The following WDR3 variants were observed in gnomAD, a reference collection of about 807,000 sequenced individuals.
WDR3 encodes the protein WD repeat-containing protein 3.
WDR3 carries 81 observed loss-of-function variants against 123.7 expected under a neutral mutation model. The observed-to-expected ratio is 0.65, with a 90% CI of 0.55 to 0.79. The LOEUF is 0.79. WDR3 is among the 30% of genes least tolerant of loss of function. The probability of loss-of-function intolerance (pLI) is 0.00; values close to 1 mark genes in which losing one functional copy is unlikely to be tolerated. For missense variants in WDR3, 1,027 were observed against 1,123.2 expected, an observed-to-expected ratio of 0.91 and a Z score of 1.22; for synonymous variants, 390 against 388.8, an observed-to-expected ratio of 1.00 and a Z score of -0.04.
At chr1:117,953,914 A>C in intron 21 of WDR3, 93 bp from the exon 22 acceptor site, 2 of 1,040,940 alleles carry the variant, frequency 1.9e-6, no homozygotes, top group South Asian at 3.1e-5. Context: ...AAGCTATTTC[A>C]TTTGGCAAAT....
intron 11 of WDR3, among the ~76,000 whole-genome samples, chr1:117,944,070 C>T (rs112591616): frequency 8.5e-5 from 13 of 152,272 alleles, no homozygotes; most frequent in African/African-American, 3.1e-4. Flanking sequence ...TAATAACCCT[C>T]TCTCACCCCT....
chr1:117,933,874 A>T (rs1041856467), intron 2 of WDR3: 2 of 260,338 alleles, frequency 7.7e-6, no homozygotes, highest in African/African-American at 2.3e-5. Flanking sequence ...ATTTTGGCAG[A>T]ATCTTTTTCT....
intron 25 of WDR3, among the ~76,000 whole-genome samples, chr1:117,958,125 A>G (rs546470224): frequency 3.3e-4 from 50 of 152,184 alleles, no homozygotes; most frequent in Non-Finnish European, 6.2e-4. Context: ...TGAAGACAAA[A>G]ACTGGTCAGC....
chr1:117,955,060 G>C (rs1651966449), intron 23 of WDR3: 3 of 421,282 alleles, frequency 7.1e-6, no homozygotes, highest in Non-Finnish European at 1.3e-5. Flanking sequence ...TCTCATCACA[G>C]TAATTTTGTG....
chr1:117,959,514 AAG>A lies in WDR3; in HGVS notation c.*70_*71del. On this transcript the variant is annotated 3_prime_UTR_variant, in exon 27 of 27. Coordinates refer to ENST00000349139, the MANE Select transcript of WDR3 (RefSeq NM_006784.3). ...TAAAGGACTCCTAAACTAAGCACAG[AAG>A]AGTTGGCGTCATCTTAAAAATACCA... 3 of 1,448,278 alleles carry A rather than the reference AAG, an allele frequency of 2.1e-6. No homozygotes were observed. Among genetic ancestry groups the A allele is most frequent in the Non-Finnish European group, 2.8e-6 (3 of 1,090,580 alleles). 89.7% of individuals were successfully genotyped at this position (1,448,278 alleles called of 1,614,324 possible).
chr1:117,956,122 T>G (rs1448317075), intron 24 of WDR3, among the ~76,000 whole-genome samples: 1 of 152,206 alleles, frequency 6.6e-6, no homozygotes, highest in Non-Finnish European at 1.5e-5. Context: ...TGACCATTTG[T>G]ATTTTGTCCT....
Position 117,952,548 on chromosome 1 carries a change from G to A in WDR3, c.2037G>A (p.Trp679Ter). 6.2e-7 allele frequency: 1 copy of A among 1,612,470 alleles called. No homozygotes were observed. The highest frequency in any genetic ancestry group is 8.5e-7 in the Non-Finnish European group (1 of 1,179,334). ...TCCAGGGTCATCACCAGGAAATATG[G>A]TGTTTGGCTGTAAGCCCCAGTGGAG... The part of the protein sequence containing the change: ...QTLEGHHQEI[W>*]CLAVSPSGDY... The change falls in exon 19 of 27, where the codon TGG (tryptophan) becomes TGA (stop). Residue 679 changes from tryptophan to a stop codon, truncating the protein, a stop_gained. Coordinates refer to ENST00000349139, the MANE Select transcript of WDR3 (RefSeq NM_006784.3). LOFTEE classifies it high-confidence loss of function.
intron 5 of WDR3, 57 bp downstream of exon 5, chr1:117,938,615 G>A (rs1651026631): frequency 6.7e-7 from 1 of 1,493,614 alleles, no homozygotes; most frequent in Non-Finnish European, 9.2e-7. Flanking sequence ...GGAAAAGGTG[G>A]TGGTCTTCTC....
At chr1:117,946,704 G>A (rs945614699) in intron 12 of WDR3, among the ~76,000 whole-genome samples, 1 of 152,016 alleles carries the variant, frequency 6.6e-6, no homozygotes, top group African/African-American at 2.4e-5. Flanking sequence ...CACTTTGGGA[G>A]GCCGAGGCAG....
intron 15 of WDR3, 87 bp downstream of exon 15, chr1:117,950,217 A>ACGC: frequency 2.0e-6 from 3 of 1,507,190 alleles, no homozygotes; most frequent in Admixed American, 1.9e-5. Context: ...AGTGGCCTTG[A>ACGC]CTGTGCCCAG....
At chr1:117,945,445 C>A (rs1030400876) in intron 11 of WDR3, among the ~76,000 whole-genome samples, 2 of 152,174 alleles carry the variant, frequency 1.3e-5, no homozygotes, top group Admixed American at 1.3e-4. Context: ...TTTTCTGTGT[C>A]TTATCAGATG....
intron 11 of WDR3, among the ~76,000 whole-genome samples, chr1:117,945,385 G>T (rs148280349): frequency 6.6e-6 from 1 of 152,166 alleles, no homozygotes; most frequent in African/African-American, 2.4e-5. Flanking sequence ...TGGCTGTTGT[G>T]CTCCCTGTTC....
At chr1:117,940,283 A>G (rs141771275) in intron 6 of WDR3, among the ~76,000 whole-genome samples, 91 of 152,326 alleles carry the variant, frequency 6.0e-4, no homozygotes, top group African/African-American at 2.1e-3. Flanking sequence ...AGATAGTATA[A>G]TAAGTAATAT....
At position 117,933,340 on chromosome 1, in the gene WDR3, C is replaced by T. The variant is rs760763593; in HGVS notation, c.21C>T (p.Tyr7=). MGLTKQ[Y]LRYVASAVFG... ...ACAACATGGGGCTCACCAAGCAGTA[C>T]CTACGCTATGTTGCTAGTGCGGTCT... Residue 7 remains tyrosine (Y), a synonymous_variant, in exon 2 of 27, where the codon TAC becomes TAT. Coordinates refer to ENST00000349139, the MANE Select transcript of WDR3 (RefSeq NM_006784.3). 8 of 1,614,158 alleles carry T rather than the reference C, an allele frequency of 5.0e-6. No individual in the cohort carries two copies. The Admixed American group carries it at 5.0e-5, about 10-fold the overall frequency.
chr1:117,951,563 G>A (rs529550302), intron 16 of WDR3, among the ~76,000 whole-genome samples: 43 of 150,178 alleles, frequency 2.9e-4, no homozygotes, highest in African/African-American at 7.3e-4. Context: ...TGAAATAGGA[G>A]AGATAAGAGA....
In WDR3 at chr1:117,942,589, C is replaced by T. The variant is rs563582456; in HGVS notation, c.1097+45C>T. On this transcript the variant is annotated intron_variant, in intron 10 of 26. Coordinates refer to ENST00000349139, the MANE Select transcript of WDR3 (RefSeq NM_006784.3). ...CTGAAGTTATAGAAATAGTAAGCTACCAAGTATTATTGGCTTTTTCATGCT... is the reference window on the plus strand; with the variant it reads ...CTGAAGTTATAGAAATAGTAAGCTATCAAGTATTATTGGCTTTTTCATGCT... The T allele has an allele frequency of 1.2e-3, 1,801 of 1,548,876 alleles. 41 individuals are homozygous for T. The South Asian group carries it at 0.019, about 16-fold the overall frequency.
At chr1:117,936,413 A>G (rs1479799660) in intron 3 of WDR3, among the ~76,000 whole-genome samples, 1 of 152,162 alleles carries the variant, frequency 6.6e-6, no homozygotes, top group Non-Finnish European at 1.5e-5. Context: ...TTTAGAATTG[A>G]TTATTATGTG....
intron 23 of WDR3, 28 bp from the exon 24 acceptor site, chr1:117,955,287 A>G (rs778031499): frequency 3.1e-6 from 5 of 1,597,106 alleles, no homozygotes; most frequent in Non-Finnish European, 4.3e-6. Flanking sequence ...CAAGAGTATC[A>G]CTAATGGTAT....
chr1:117,954,926 G>C (rs1651950397), intron 23 of WDR3, among the ~76,000 whole-genome samples: 1 of 152,044 alleles, frequency 6.6e-6, no homozygotes, highest in Non-Finnish European at 1.5e-5. Flanking sequence ...ATTAACTTTT[G>C]AATCAGCCTT....
Sources: gnomAD v4.1 joint callset for allele counts (sites outside exome capture counted in the v4.1 genomes callset) on GRCh38, gnomAD v4.1.1 for gene constraint, MANE v1.5 for transcripts, NCBI Gene and HGNC (gene_info 2026-07-23, HGNC 2026-07-21) for gene names.